Variants in OPCML observed in about 807,000 individuals in gnomAD.
OPCML encodes opioid binding protein/cell adhesion molecule like, also known as opioid-binding protein/cell adhesion molecule.
OPCML carries 13 observed loss-of-function variants against 37.8 expected under a neutral mutation model. The ratio of observed to expected loss-of-function variants is 0.34; its 90% CI spans 0.22 to 0.55. The LOEUF (loss-of-function observed/expected upper bound fraction) is 0.55, where lower values mean the gene tolerates loss of function less well. Among genes scored for constraint, OPCML ranks in the 20% least tolerant of loss-of-function variants. The pLI is 0.91. For missense variants in OPCML, 341 were observed against 435.6 expected (o/e 0.78, Z 1.93); for synonymous variants, 176 against 168.8 (o/e 1.04, Z -0.33).
Position 133,205,407 on chromosome 11 carries a change from A to T in OPCML, c.62-262397T>A, listed in dbSNP as rs983730195. Among the ~76,000 whole-genome samples, 2 of 152,130 alleles carry T rather than the reference A, an allele frequency of 1.3e-5. No individual in the cohort carries two copies. The highest frequency in any genetic ancestry group is 2.9e-5 in the Non-Finnish European group (2 of 68,024). On this transcript the variant is annotated intron_variant, in intron 1 of 7. Transcript: ENST00000524381. This position sits in a 1 kb window ranked among gnomAD's most constrained non-coding sequence, Gnocchi z 4.8. ...GTAAAGTGTTTCCCTGAGTTCTGTGATCCACTCTAGTAAATGAATTAAACC... is the reference window on the plus strand; with the variant it reads ...GTAAAGTGTTTCCCTGAGTTCTGTGTTCCACTCTAGTAAATGAATTAAACC...
chr11:133,040,333 C>G (rs1947866643), intron 1 of OPCML, among the ~76,000 whole-genome samples: 1 of 152,186 alleles, frequency 6.6e-6, no homozygotes, highest in Non-Finnish European at 1.5e-5. Context: ...CAACCTGTAG[C>G]CTCCACTCAT....
At chr11:132,936,794 C>T (rs1156290442) in intron 2 of OPCML, among the ~76,000 whole-genome samples, 1 of 152,082 alleles carries the variant, frequency 6.6e-6, no homozygotes, top group Non-Finnish European at 1.5e-5. Context: ...GGCCTGAGAA[C>T]GGATCAAGAT....
chr11:133,127,928 A>G (rs514075), intron 1 of OPCML, among the ~76,000 whole-genome samples: 137,481 of 152,006 alleles, frequency 0.9, 62,391 homozygotes, highest in African/African-American at 0.97. Flanking sequence ...AGAAGACGGG[A>G]TGATTATGCG....
At chr11:132,425,170 AAGAC>A (rs1158875183) in intron 7 of OPCML, among the ~76,000 whole-genome samples, 1 of 152,256 alleles carries the variant, frequency 6.6e-6, no homozygotes, top group Non-Finnish European at 1.5e-5. Flanking sequence ...TTCACAAAGA[AAGAC>A]AGAAACAGTC....
At chr11:132,817,828 G>A (rs555407298) in intron 2 of OPCML, among the ~76,000 whole-genome samples, 6 of 151,956 alleles carry the variant, frequency 3.9e-5, no homozygotes, top group African/African-American at 9.7e-5. Flanking sequence ...TTATGGCTAC[G>A]GAAGTCTATA....
intron 2 of OPCML, among the ~76,000 whole-genome samples, chr11:132,666,180 T>G (rs1175933864): frequency 1.3e-5 from 2 of 152,066 alleles, no homozygotes; most frequent in Non-Finnish European, 2.9e-5. Flanking sequence ...AGAAAAGAGG[T>G]TTACGTGGCT....
chr11:132,703,616 G>C (rs909627549), intron 2 of OPCML, among the ~76,000 whole-genome samples: 1 of 152,164 alleles, frequency 6.6e-6, no homozygotes, highest in Non-Finnish European at 1.5e-5. Flanking sequence ...AGAGTTCTTG[G>C]GTGGAATGAT....
At chr11:132,721,099 G>T (rs1021584635) in intron 2 of OPCML, among the ~76,000 whole-genome samples, 4 of 152,096 alleles carry the variant, frequency 2.6e-5, no homozygotes, top group African/African-American at 9.7e-5. Flanking sequence ...TGGTTTGATT[G>T]CTCATTCATT....
chr11:132,429,968 C>T (rs2095990836), intron 7 of OPCML, among the ~76,000 whole-genome samples: 1 of 152,064 alleles, frequency 6.6e-6, no homozygotes, highest in African/African-American at 2.4e-5. Flanking sequence ...AGACAGTCAC[C>T]ACCCGGTTAT....
intron 1 of OPCML, among the ~76,000 whole-genome samples, chr11:133,077,428 T>C (rs1049476500): frequency 6.6e-6 from 1 of 152,164 alleles, no homozygotes; most frequent in Non-Finnish European, 1.5e-5. Flanking sequence ...CTAATGACGC[T>C]TGTAAAACTG....
chr11:132,880,032 C>G (rs1487211052), intron 2 of OPCML, among the ~76,000 whole-genome samples: 1 of 152,164 alleles, frequency 6.6e-6, no homozygotes, highest in Non-Finnish European at 1.5e-5. Context: ...TTCCCAGATG[C>G]ACACTAAGCT....
At chr11:132,944,011 G>T (rs1035818764) in intron 1 of OPCML, among the ~76,000 whole-genome samples, 140 of 151,920 alleles carry the variant, frequency 9.2e-4, no homozygotes, top group Middle Eastern at 6.8e-3. Context: ...GCTGGCGGGC[G>T]GCGCGGACTG....
At chr11:133,261,855 C>A (rs372237163) in intron 1 of OPCML, among the ~76,000 whole-genome samples, 25 of 152,124 alleles carry the variant, frequency 1.6e-4, no homozygotes, top group Non-Finnish European at 2.9e-4. Context: ...TGGAATGCAG[C>A]GGGCAGGAGC....
chr11:132,977,453 A>G (rs1365764553), intron 1 of OPCML, among the ~76,000 whole-genome samples: 1 of 152,242 alleles, frequency 6.6e-6, no homozygotes, highest in African/African-American at 2.4e-5. Flanking sequence ...GCTCATAGAT[A>G]GCTATCTACT....
intron 1 of OPCML, among the ~76,000 whole-genome samples, chr11:133,195,492 T>C (rs1639409726): frequency 6.6e-6 from 1 of 152,180 alleles, no homozygotes; most frequent in South Asian, 2.1e-4. Flanking sequence ...TAAAGTTCCT[T>C]TGGATTCTAT....
chr11:132,735,374 C>T (rs1332850998), intron 2 of OPCML, among the ~76,000 whole-genome samples: 2 of 152,052 alleles, frequency 1.3e-5, no homozygotes, highest in African/African-American at 4.8e-5. Flanking sequence ...GGCAGAAACC[C>T]AAGATAGACA....
At position 133,173,771 on chromosome 11, in the gene OPCML, G is replaced by A. The variant is rs1950321051; in HGVS notation, c.62-230761C>T. ...ATAAGTAAAGAAAAAATAGAATTAC[G>A]TTTTTCTCTTTTTCCCCATCCCAGC... On this transcript the variant is annotated intron_variant, in intron 1 of 7. Coordinates refer to ENST00000524381, the MANE Select transcript of OPCML (RefSeq NM_001012393.5). The surrounding 1 kb of genome is among the most constrained non-coding windows in gnomAD (Gnocchi z 7.8). Among the ~76,000 whole-genome samples, 1 of 152,146 alleles carries A rather than the reference G, an allele frequency of 6.6e-6. No individual in the cohort carries two copies. Among genetic ancestry groups the A allele is most frequent in the African/African-American group, 2.4e-5 (1 of 41,448 alleles).
intron 2 of OPCML, among the ~76,000 whole-genome samples, chr11:132,799,278 G>A (rs1173243874): frequency 6.6e-6 from 1 of 152,142 alleles, no homozygotes; most frequent in Admixed American, 6.5e-5. Context: ...TGGATAACTT[G>A]CTGCAGCTTC....
chr11:133,352,322 G>A (rs1378845635), intron 1 of OPCML, among the ~76,000 whole-genome samples: 54 of 152,180 alleles, frequency 3.5e-4, no homozygotes, highest in Admixed American at 3.5e-3. Context: ...CCTGAAGCAA[G>A]CAGTGCTTGC....
Sources: allele counts gnomAD v4.1 joint callset (sites outside exome capture counted in the v4.1 genomes callset), GRCh38; gene constraint gnomAD v4.1.1; non-coding constraint Gnocchi (gnomAD v3.1); transcripts MANE v1.5; gene names NCBI Gene and HGNC (gene_info 2026-07-23, HGNC 2026-07-21).